ASPH: variants seen among roughly 807,000 people sequenced by gnomAD.
ASPH encodes aspartyl/asparaginyl beta-hydroxylase.
Under a neutral mutation model 118.4 loss-of-function variants are expected in ASPH, and 100 were observed. The ratio of observed to expected loss-of-function variants is 0.84; its 90% confidence interval spans 0.72 to 1.00. ASPH has a LOEUF of 1.00. Ranked by LOEUF, ASPH falls within the 50% of genes least tolerant of loss-of-function variation. ASPH has a pLI of 0.00. For missense variants in ASPH, 920 were observed against 919.5 expected (o/e 1.00, Z -0.01); for synonymous variants, 315 against 325.6 (o/e 0.97, Z 0.35).
chr8:61,663,841 TTAAA>T, intron 3 of ASPH: 3 of 980,808 alleles, frequency 3.1e-6, no homozygotes, highest in African/African-American at 1.7e-5. Context: ...GTATTTGACT[TTAAA>T]TAGTAAAAGG....
chr8:61,672,515 G>GT (rs142842751), intron 3 of ASPH, among the ~76,000 whole-genome samples: 67 of 147,506 alleles, frequency 4.5e-4, no homozygotes, highest in African/African-American at 1.2e-3. Flanking sequence ...ATTTAAACCA[G>GT]TTTTTTTTAA....
chr8:61,662,178 A>C (rs1223478601), intron 3 of ASPH, among the ~76,000 whole-genome samples: 2 of 152,182 alleles, frequency 1.3e-5, no homozygotes, highest in African/African-American at 2.4e-5. Context: ...AAAATTGACT[A>C]TCTCTTAACA....
intron 3 of ASPH, chr8:61,661,145 C>A (rs999965720): frequency 6.6e-6 from 1 of 152,116 alleles, no homozygotes; most frequent in African/African-American, 2.4e-5. Context: ...TCAATGATCT[C>A]AATAGAATAA....
Position 61,533,135 on chromosome 8 carries a change from C to T in ASPH, c.1765-7023G>A, listed in dbSNP as rs552834966. On this transcript the variant is annotated intron_variant, in intron 21 of 24. Transcript: ENST00000379454. Reference sequence around the variant, plus strand: ...TTTTTTTTGCCTATTCTCCCTGGAACTCTTTTTATCTGAATGTCAGCTATG... The same window carrying T: ...TTTTTTTTGCCTATTCTCCCTGGAATTCTTTTTATCTGAATGTCAGCTATG... Among the ~76,000 whole-genome samples the T allele has an allele frequency of 4.0e-5, 6 of 150,214 alleles. No individual in the cohort carries two copies. In the East Asian group the frequency reaches 1.2e-3, roughly 29 times the overall value.
At position 61,626,000 on chromosome 8, in the gene ASPH, A is replaced by G. The variant is rs1441698297; in HGVS notation, c.935-6981T>C. 7 of 1,197,576 alleles carry G rather than the reference A, an allele frequency of 5.8e-6. No homozygotes were observed. In the East Asian group the frequency reaches 2.1e-4, roughly 36 times the overall value. 74.2% of individuals were successfully genotyped at this position (1,197,576 alleles called of 1,614,324 possible). A position where few individuals can be genotyped will look rare whatever the true frequency, so the allele number is the denominator to read the frequency against. ...AGGTAAGACTAAAAGCTGTCTCACA[A>G]AAAGAAAAAAGAAATCCAATGGATC... is the stretch of plus-strand genomic sequence containing the variant. On this transcript the variant is annotated intron_variant, in intron 13 of 24. Transcript: ENST00000379454.
intron 24 of ASPH, among the ~76,000 whole-genome samples, chr8:61,504,148 A>ATATC (rs1205492914): frequency 3.9e-5 from 6 of 152,196 alleles, no homozygotes; most frequent in Admixed American, 3.9e-4. Context: ...ACCTCATAAG[A>ATATC]TATCTGTATA....
rs559826777 is a variant in ASPH at position 61,681,018 on chromosome 8, T to C, written c.272A>G (p.Asp91Gly). Residue 91 changes from aspartate (D) to glycine (G), a missense_variant, in exon 3 of 25, where the codon GAT becomes GGT. Coordinates refer to ENST00000379454, the MANE Select transcript of ASPH (RefSeq NM_004318.4). ...EEVLGKLGIY[D>G]ADGDGDFDVD... ...ATCAAAATCTCCATCACCATCAGCA[T>C]CATAGATTCCTAGTTTTCCTATAAT... The C allele has an allele frequency of 6.2e-7, 1 of 1,602,462 alleles. No homozygotes were observed. Among genetic ancestry groups the C allele is most frequent in the Admixed American group, 1.7e-5 (1 of 58,758 alleles).
intron 14 of ASPH, among the ~76,000 whole-genome samples, chr8:61,614,645 TTTGTTGTTGTTG>T (rs565000530): frequency 6.6e-6 from 1 of 151,664 alleles, no homozygotes; most frequent in Non-Finnish European, 1.5e-5. Context: ...GTGTTGGGTT[TTTGTTGTTGTTG>T]TTGTTGTTGT....
chr8:61,529,489 T>C (rs1816761759), intron 21 of ASPH, among the ~76,000 whole-genome samples: 1 of 152,144 alleles, frequency 6.6e-6, no homozygotes, highest in Admixed American at 6.5e-5. Context: ...TTTGAAGGCG[T>C]TTTCCAACTT....
rs190025328 is a variant in ASPH at position 61,657,144 on chromosome 8, G to A, written c.323-3484C>T. 9.8e-5 allele frequency: 15 copies of A among 152,314 alleles called. No homozygotes were observed. The East Asian group carries it at 2.7e-3, about 27-fold the overall frequency. The allele number at this position is 152,314 out of a possible 1,614,324, so 9.4% of individuals were successfully genotyped here. A position where few individuals can be genotyped will look rare whatever the true frequency, so the allele number is the denominator to read the frequency against. On this transcript the variant is annotated intron_variant, in intron 3 of 24. Transcript: ENST00000379454. ...AGGGAGCACATTAGGGAAAAGTGGG[G>A]GTGGGGACTATTCATAATACTTTGG...
chr8:61,564,850 G>A (rs1831136110), intron 17 of ASPH, among the ~76,000 whole-genome samples: 2 of 152,152 alleles, frequency 1.3e-5, no homozygotes, highest in Non-Finnish European at 2.9e-5. Context: ...AGGGTCCATT[G>A]GGCCTTGACT....
At chr8:61,539,621 C>A (rs913334492) in intron 21 of ASPH, among the ~76,000 whole-genome samples, 10 of 151,030 alleles carry the variant, frequency 6.6e-5, no homozygotes, top group African/African-American at 2.4e-4. Context: ...TCCCTGGTGC[C>A]GGCTGTGACC....
chr8:61,626,412 GAC>G lies in ASPH; in HGVS notation c.934+7269_934+7270del, dbSNP rs1312946308. On this transcript the variant is annotated intron_variant, in intron 13 of 24. Transcript: ENST00000379454. The stretch of plus-strand genomic sequence containing the variant: ...TTTTTTTTTGGTGTTTGTTTTTAAG[GAC>G]AACTTGGTAACAGAATAATCAACTA... 5 of 1,242,664 alleles carry G rather than the reference GAC, an allele frequency of 4.0e-6. No individual in the cohort carries two copies. The South Asian group carries it at 1.4e-4, about 35-fold the overall frequency. 77.0% of individuals were successfully genotyped at this position (1,242,664 alleles called of 1,614,324 possible). A position where few individuals can be genotyped will look rare whatever the true frequency, so the allele number is the denominator to read the frequency against.
At chr8:61,608,225 T>G (rs1342042231) in intron 14 of ASPH, among the ~76,000 whole-genome samples, 1 of 152,234 alleles carries the variant, frequency 6.6e-6, no homozygotes, top group African/African-American at 2.4e-5. Flanking sequence ...TGAGAATTTG[T>G]TAAAAGTAGT....
Position 61,661,090 on chromosome 8 carries a change from G to A in ASPH, c.323-7430C>T, listed in dbSNP as rs113339588. The A allele has an allele frequency of 4.0e-4, 61 of 152,018 alleles. 1 individual carries two copies. The highest frequency in any genetic ancestry group is 1.0e-3 in the African/African-American group (42 of 41,456). The allele number at this position is 152,018 out of a possible 1,614,324, so 9.4% of individuals were successfully genotyped here. On this transcript the variant is annotated intron_variant, in intron 3 of 24. Transcript: ENST00000379454. ...TCTTTTAAAAATTAAGCATTCTTAC[G>A]GCTTCACTCATGTGCAACATTTATA...
rs879879654 is a variant in ASPH, at chr8:61,600,313, CTGA to C, written c.977-16287_977-16285del. On this transcript the variant is annotated intron_variant, in intron 14 of 24. Transcript: ENST00000379454. Reference sequence around the variant, plus strand: ...AAGCAGAAAGCCTTTCCTCTAAGAACTGAAATAAGAAAAAGGTGTTTACTTTCA... The same window carrying C: ...AAGCAGAAAGCCTTTCCTCTAAGAACAATAAGAAAAAGGTGTTTACTTTCA... Among the ~76,000 whole-genome samples, 894 of 149,206 alleles carry C rather than the reference CTGA, an allele frequency of 6.0e-3. 17 individuals carry two copies. The highest frequency in any genetic ancestry group is 0.022 in the African/African-American group (835 of 38,740).
chr8:61,503,457 C>T lies in ASPH; in HGVS notation c.2179G>A (p.Val727Ile), dbSNP rs147092046. The T allele has an allele frequency of 3.0e-4, 486 of 1,613,108 alleles. 1 individual carries two copies. The highest frequency in any genetic ancestry group is 3.9e-4 in the Non-Finnish European group (462 of 1,179,606). The change falls in exon 25 of 25, where the codon GTA becomes ATA. Residue 727 changes from valine (V) to isoleucine (I), a missense_variant. Transcript: ENST00000379454. The stretch of plus-strand genomic sequence containing the variant: ...CGGAAAGATGAGGCATCCTGCCATA[C>T]CTCGTGCTCAAAGGAGTCATCAAAG... ...LIFDDSFEHE[V>I]WQDASSFRLI...
At chr8:61,611,285 A>G (rs1313918407) in intron 14 of ASPH, among the ~76,000 whole-genome samples, 1 of 152,228 alleles carries the variant, frequency 6.6e-6, no homozygotes, top group Non-Finnish European at 1.5e-5. Context: ...GTATACTCTC[A>G]TAATGCAGGA....
intron 24 of ASPH, among the ~76,000 whole-genome samples, chr8:61,506,007 T>C (rs1487778332): frequency 6.6e-6 from 1 of 152,124 alleles, no homozygotes; most frequent in Non-Finnish European, 1.5e-5. Context: ...GTACTCAAAA[T>C]GAAAGGCAGT....
Sources: gnomAD v4.1 joint callset for allele counts (sites outside exome capture counted in the v4.1 genomes callset) on GRCh38, gnomAD v4.1.1 for gene constraint, MANE v1.5 for transcripts, NCBI Gene and HGNC (gene_info 2026-07-23, HGNC 2026-07-21) for gene names.